The following FRMPD4 variants were observed in gnomAD, a reference collection of about 807,000 sequenced individuals.
FRMPD4 encodes FERM and PDZ domain containing 4.
FRMPD4 carries 22 observed loss-of-function variants against 94.1 expected under a neutral mutation model. That is an observed-to-expected ratio of 0.23 (90% CI 0.17 to 0.33). The LOEUF is 0.33. Ranked by LOEUF, FRMPD4 falls within the 10% of genes least tolerant of loss-of-function variation. The pLI is 1.00. For missense variants in FRMPD4, 1,111 were observed against 1,339.9 expected, an observed-to-expected ratio of 0.83 and a Z score of 2.67; for synonymous variants, 631 against 548.6, an observed-to-expected ratio of 1.15 and a Z score of -2.10.
intron 4 of FRMPD4, among the ~76,000 whole-genome samples, chrX:12,634,403 T>C (rs1024510954): frequency 8.0e-5 from 9 of 112,348 alleles, no homozygotes; most frequent in African/African-American, 2.9e-4. Flanking sequence ...CATTTATATT[T>C]AATGTTAAAT....
chrX:12,690,588 T>C (rs2060070958), intron 8 of FRMPD4, among the ~76,000 whole-genome samples: 1 of 112,522 alleles, frequency 8.9e-6, no homozygotes, highest in Non-Finnish European at 1.9e-5. Flanking sequence ...AATACAGCTC[T>C]GTAAAATTAT....
At chrX:12,538,202 G>A (rs1602092742) in intron 2 of FRMPD4, among the ~76,000 whole-genome samples, 1 of 111,595 alleles carries the variant, frequency 9.0e-6, no homozygotes, top group African/African-American at 3.3e-5. Flanking sequence ...GGCTCAGAGG[G>A]TCCCATGCCC....
intron 2 of FRMPD4, among the ~76,000 whole-genome samples, chrX:12,506,626 AAATT>A (rs1479687947): frequency 8.9e-6 from 1 of 112,748 alleles, no homozygotes; most frequent in Non-Finnish European, 1.9e-5. Flanking sequence ...TGAAAATTTT[AAATT>A]ATTAGCAGGA....
chrX:12,528,581 G>A (rs2058252321), intron 2 of FRMPD4, among the ~76,000 whole-genome samples: 1 of 111,140 alleles, frequency 9.0e-6, no homozygotes, highest in East Asian at 2.8e-4. Context: ...GCCTCCCAAA[G>A]TGCTGGGATT....
chrX:12,002,983 T>G (rs924681981), intron 3 of FRMPD4, among the ~76,000 whole-genome samples: 2 of 111,118 alleles, frequency 1.8e-5, no homozygotes, highest in Non-Finnish European at 3.8e-5. Context: ...TTAGGTGGAG[T>G]TTTAGTAAAA....
chrX:12,040,322 T>C (rs1466830976), intron 3 of FRMPD4, among the ~76,000 whole-genome samples: 1 of 107,968 alleles, frequency 9.3e-6, no homozygotes, highest in African/African-American at 3.4e-5. Flanking sequence ...TTTTTTTGTC[T>C]TAAAATCTGT....
chrX:12,181,662 G>A (rs993379655), intron 1 of FRMPD4, among the ~76,000 whole-genome samples: 3 of 111,738 alleles, frequency 2.7e-5, no homozygotes, highest in African/African-American at 9.8e-5. Context: ...TAAGTTGTGG[G>A]CTCTAGTGCA....
At chrX:12,452,720 G>T (rs1051788978) in intron 1 of FRMPD4, among the ~76,000 whole-genome samples, 2 of 112,300 alleles carry the variant, frequency 1.8e-5, no homozygotes, top group African/African-American at 3.2e-5. Flanking sequence ...TCTCATAAAT[G>T]TTGAAACAGG....
At chrX:12,187,656 T>C (rs181579169) in intron 1 of FRMPD4, among the ~76,000 whole-genome samples, 152 of 111,098 alleles carry the variant, frequency 1.4e-3, no homozygotes, top group African/African-American at 4.6e-3. Context: ...CTATTACACA[T>C]AGTAGGAATA....
intron 3 of FRMPD4, among the ~76,000 whole-genome samples, chrX:11,953,471 T>C (rs2054236923): frequency 9.0e-6 from 1 of 110,748 alleles, no homozygotes; most frequent in African/African-American, 3.3e-5. Context: ...AACTTTTGCC[T>C]AGATTTCCAT....
chrX:12,622,015 A>AAAGAAAGAAAGAAAGAAAGGAAGG (rs1398888625), intron 4 of FRMPD4, among the ~76,000 whole-genome samples: 2 of 22,003 alleles, frequency 9.1e-5, no homozygotes, highest in African/African-American at 4.2e-4. Context: ...AGAAAGAAAG[A>AAAGAAAGAAAGAAAGAAAGGAAGG]AAGGAAGGAA....
chrX:12,420,146 C>T (rs2407839), intron 1 of FRMPD4, among the ~76,000 whole-genome samples: 37,167 of 110,435 alleles, frequency 0.34, 4,919 homozygotes, highest in East Asian at 0.59. Context: ...TCATGGCCCA[C>T]ACTCTGTCTA....
intron 1 of FRMPD4, among the ~76,000 whole-genome samples, chrX:12,315,653 A>G (rs7064115): frequency 0.17 from 18,872 of 111,784 alleles, 1,235 homozygotes; most frequent in Non-Finnish European, 0.19. Flanking sequence ...ACCAGAGGCT[A>G]GAACAAGGCA....
chrX:11,896,041 C>T (rs1190878365), intron 3 of FRMPD4, among the ~76,000 whole-genome samples: 2 of 112,416 alleles, frequency 1.8e-5, no homozygotes, highest in East Asian at 2.8e-4. Flanking sequence ...TGATACTCTT[C>T]GATGTGATTT....
At chrX:12,418,416 T>C (rs1409468504) in intron 1 of FRMPD4, among the ~76,000 whole-genome samples, 1 of 101,881 alleles carries the variant, frequency 9.8e-6, no homozygotes, top group Non-Finnish European at 2.0e-5. Flanking sequence ...TGGAGTGCAG[T>C]GGTGCAATCT....
At chrX:12,405,336 C>T (rs1277541802) in intron 1 of FRMPD4, among the ~76,000 whole-genome samples, 1 of 110,869 alleles carries the variant, frequency 9.0e-6, no homozygotes, top group Non-Finnish European at 1.9e-5. Context: ...GTTTCTCCAG[C>T]GACCAACATT....
chrX:12,289,377 C>T (rs746745228), intron 1 of FRMPD4, among the ~76,000 whole-genome samples: 36 of 111,862 alleles, frequency 3.2e-4, no homozygotes, highest in Non-Finnish European at 5.8e-4. Flanking sequence ...AGACACTAGC[C>T]CATATACAGC....
At chrX:12,398,068 A>C (rs2056565972) in intron 1 of FRMPD4, among the ~76,000 whole-genome samples, 1 of 111,164 alleles carries the variant, frequency 9.0e-6, no homozygotes, top group African/African-American at 3.3e-5. Flanking sequence ...CTTGGGGAGC[A>C]CACCTTTGAT....
At chrX:12,049,833 C>T (rs747083071) in intron 3 of FRMPD4, among the ~76,000 whole-genome samples, 67 of 110,492 alleles carry the variant, frequency 6.1e-4, no homozygotes, top group Non-Finnish European at 9.3e-4. Context: ...CCATCGTAGG[C>T]TTAGGCTAAT....
Sources: gnomAD v4.1 joint callset for allele counts (sites outside exome capture counted in the v4.1 genomes callset) on GRCh38, gnomAD v4.1.1 for gene constraint, MANE v1.5 for transcripts, NCBI Gene and HGNC (gene_info 2026-07-23, HGNC 2026-07-21) for gene names.